The following NLGN1 variants were observed in gnomAD, a reference collection of about 807,000 sequenced individuals.
The protein encoded by NLGN1 is neuroligin-1.
NLGN1 carries 12 observed loss-of-function variants against 65.5 expected under a neutral mutation model. The observed-to-expected ratio is 0.18, with a 90% CI of 0.12 to 0.30. The LOEUF (loss-of-function observed/expected upper bound fraction) is 0.30. Among genes scored for constraint, NLGN1 ranks in the 10% least tolerant of loss-of-function variants. The probability of loss-of-function intolerance (pLI) is 1.00; values close to 1 mark genes in which losing one functional copy is unlikely to be tolerated. For missense variants in NLGN1, 750 were observed against 1,007.1 expected (o/e 0.74, Z 3.46); for synonymous variants, 350 against 359.5 (o/e 0.97, Z 0.30).
At position 173,687,979 on chromosome 3, in the gene NLGN1, G is replaced by T. The variant is rs934586679; in HGVS notation, c.493+82888G>T. ...TCTAAGAAAGGTCTAAAATTAAACA[G>T]AATGGTCAGAAGGTAATAATAAGGC... On this transcript the variant is annotated intron_variant, in intron 3 of 6. Coordinates refer to ENST00000457714, the Ensembl canonical transcript of NLGN1. Among the ~76,000 whole-genome samples, 5 of 152,166 alleles carry T rather than the reference G, an allele frequency of 3.3e-5. No individual in the cohort carries two copies. The East Asian group carries it at 9.6e-4, about 29-fold the overall frequency.
intron 2 of NLGN1, among the ~76,000 whole-genome samples, chr3:173,513,959 C>T (rs1733413610): frequency 6.6e-6 from 1 of 152,070 alleles, no homozygotes; most frequent in African/African-American, 2.4e-5. Context: ...ACCCAGTAGG[C>T]AGAGGTTGCA....
rs150678593 is a variant in NLGN1, at chr3:173,746,595, C to T, written c.494-61085C>T. On this transcript the variant is annotated intron_variant, in intron 3 of 6. Coordinates refer to ENST00000457714, the Ensembl canonical transcript of NLGN1. ...CGAAAACCATTCTTGACTGTCTACA[C>T]TAGATTAAGTCTGATTTGTCACATG... is the stretch of plus-strand genomic sequence containing the variant. Among the ~76,000 whole-genome samples, 361 of 152,150 alleles carry T rather than the reference C, an allele frequency of 2.4e-3. 1 individual carries two copies. Among genetic ancestry groups the T allele is most frequent in the Non-Finnish European group, 4.0e-3 (274 of 67,998 alleles).
chr3:173,507,023 C>T (rs2149081270), intron 2 of NLGN1, among the ~76,000 whole-genome samples: 1 of 152,296 alleles, frequency 6.6e-6, no homozygotes, highest in African/African-American at 2.4e-5. Flanking sequence ...CCTTACTCTT[C>T]TTTGCACCCA....
chr3:174,013,195 G>A (rs1012120041), intron 4 of NLGN1, among the ~76,000 whole-genome samples: 3 of 152,078 alleles, frequency 2.0e-5, no homozygotes, highest in Non-Finnish European at 4.4e-5. Context: ...TTGGTTACGG[G>A]TATTTTCTTT....
intron 3 of NLGN1, among the ~76,000 whole-genome samples, chr3:173,690,390 T>G (rs140708511): frequency 1.3e-5 from 2 of 152,244 alleles, no homozygotes; most frequent in South Asian, 2.1e-4. Flanking sequence ...ACCTCCTTAT[T>G]TATGATTCCA....
chr3:174,081,883 A>G (rs1337331583), intron 4 of NLGN1, among the ~76,000 whole-genome samples: 1 of 152,040 alleles, frequency 6.6e-6, no homozygotes, highest in Non-Finnish European at 1.5e-5. Flanking sequence ...GGTTTTCAAC[A>G]TATGAATTTG....
intron 3 of NLGN1, among the ~76,000 whole-genome samples, chr3:173,639,573 G>A (rs1449829377): frequency 1.3e-5 from 2 of 152,180 alleles, no homozygotes; most frequent in African/African-American, 4.8e-5. Context: ...TGAGATTTAA[G>A]TGCAGAAATA....
chr3:173,678,680 AG>A (rs1036901103), intron 3 of NLGN1, among the ~76,000 whole-genome samples: 2 of 152,088 alleles, frequency 1.3e-5, no homozygotes, highest in African/African-American at 4.8e-5. Context: ...CTTATACCCT[AG>A]GGGTTAGTAT....
At chr3:173,642,717 A>G (rs1684879927) in intron 3 of NLGN1, among the ~76,000 whole-genome samples, 1 of 152,234 alleles carries the variant, frequency 6.6e-6, no homozygotes, top group Non-Finnish European at 1.5e-5. Context: ...ATATACCTTA[A>G]CAGAGGCTCA....
At chr3:173,557,090 A>G (rs1020888069) in intron 2 of NLGN1, among the ~76,000 whole-genome samples, 5 of 152,238 alleles carry the variant, frequency 3.3e-5, no homozygotes, top group Admixed American at 1.3e-4. Flanking sequence ...AAATTTTCCA[A>G]CCATCATTCT....
At chr3:173,566,076 G>A (rs1420548361) in intron 2 of NLGN1, among the ~76,000 whole-genome samples, 3 of 152,166 alleles carry the variant, frequency 2.0e-5, no homozygotes, top group Admixed American at 6.5e-5. Context: ...CGGCCTATAC[G>A]GAGTGAGGTA....
At chr3:173,702,751 C>T (rs1391129234) in intron 3 of NLGN1, among the ~76,000 whole-genome samples, 1 of 152,148 alleles carries the variant, frequency 6.6e-6, no homozygotes. Context: ...GCGATGCCAT[C>T]AGTTTCTATG....
chr3:174,186,766 C>T (rs544014437), intron 4 of NLGN1, among the ~76,000 whole-genome samples: 9 of 152,096 alleles, frequency 5.9e-5, no homozygotes, highest in Non-Finnish European at 1.3e-4. Flanking sequence ...ACTTACTATG[C>T]AAAACTGTGT....
chr3:174,169,967 G>A (rs778173493), intron 4 of NLGN1, among the ~76,000 whole-genome samples: 5 of 152,134 alleles, frequency 3.3e-5, no homozygotes, highest in Non-Finnish European at 5.9e-5. Flanking sequence ...CGGATTCCCA[G>A]TGTAAAGGTG....
chr3:173,706,369 CAAATT>C (rs1768043838), intron 3 of NLGN1, among the ~76,000 whole-genome samples: 1 of 152,158 alleles, frequency 6.6e-6, no homozygotes, highest in Non-Finnish European at 1.5e-5. Flanking sequence ...TTAGACTTTT[CAAATT>C]ATTTTAGTAT....
intron 4 of NLGN1, among the ~76,000 whole-genome samples, chr3:174,236,155 C>A (rs970093561): frequency 2.6e-5 from 4 of 152,030 alleles, no homozygotes; most frequent in African/African-American, 9.7e-5. Flanking sequence ...TGAGGCCTAC[C>A]ATACAATCAG....
chr3:174,136,679 T>C (rs960721190), intron 4 of NLGN1: 2 of 152,146 alleles, frequency 1.3e-5, no homozygotes, highest in African/African-American at 4.8e-5. Flanking sequence ...TTTGAAAATA[T>C]GTCTGCCCAG....
At chr3:174,063,655 A>G (rs537671491) in intron 4 of NLGN1, among the ~76,000 whole-genome samples, 120 of 151,984 alleles carry the variant, frequency 7.9e-4, no homozygotes, top group South Asian at 1.7e-3. Context: ...GCTTAGCAAA[A>G]ATGGTAATGT....
At chr3:173,421,167 CA>C (rs1471046976) in intron 1 of NLGN1, among the ~76,000 whole-genome samples, 5 of 152,020 alleles carry the variant, frequency 3.3e-5, no homozygotes, top group Admixed American at 2.6e-4. Flanking sequence ...GTCTATTTCT[CA>C]AATTTTTTAA....
Sources: allele counts gnomAD v4.1 joint callset (sites outside exome capture counted in the v4.1 genomes callset), GRCh38; gene constraint gnomAD v4.1.1; transcripts MANE v1.5; gene names NCBI Gene and HGNC (gene_info 2026-07-23, HGNC 2026-07-21).